The following KAZN variants were observed in gnomAD, a reference collection of about 807,000 sequenced individuals.
The protein encoded by KAZN is kazrin, periplakin interacting protein.
Under a neutral mutation model 87.4 loss-of-function variants are expected in KAZN, and 40 were observed. The observed-to-expected ratio is 0.46, with a 90% confidence interval of 0.36 to 0.60. The LOEUF (loss-of-function observed/expected upper bound fraction) is 0.60, where lower values mean the gene tolerates loss of function less well. Among genes scored for constraint, KAZN ranks in the 20% least tolerant of loss-of-function variants. KAZN has a pLI of 0.00. For missense variants in KAZN, 898 were observed against 1,073.9 expected (o/e 0.84, Z 2.29); for synonymous variants, 466 against 458.3 (o/e 1.02, Z -0.22).
At chr1:14,189,476 T>C (rs1017927324) in intron 2 of KAZN, among the ~76,000 whole-genome samples, 3 of 152,194 alleles carry the variant, frequency 2.0e-5, no homozygotes, top group Non-Finnish European at 4.4e-5. Context: ...CCTGTAAGTC[T>C]ATGGATTGCC....
intron 2 of KAZN, among the ~76,000 whole-genome samples, chr1:14,585,157 G>C (rs997416333): frequency 6.6e-6 from 1 of 152,182 alleles, no homozygotes; most frequent in Non-Finnish European, 1.5e-5. Flanking sequence ...CTTGACCTTG[G>C]ACTTCCAGCC....
chr1:14,966,733 G>A (rs1393171974), intron 2 of KAZN, among the ~76,000 whole-genome samples: 2 of 152,026 alleles, frequency 1.3e-5, no homozygotes, highest in Non-Finnish European at 1.5e-5. Flanking sequence ...GTACAGTGGC[G>A]CCATCTCAGC....
chr1:14,771,837 T>C (rs995952183), intron 1 of KAZN, among the ~76,000 whole-genome samples: 4 of 151,622 alleles, frequency 2.6e-5, no homozygotes, highest in African/African-American at 9.7e-5. Flanking sequence ...AATAAATAAA[T>C]AATAAAAATA....
At chr1:14,762,345 G>A (rs1644762543) in intron 1 of KAZN, among the ~76,000 whole-genome samples, 1 of 152,170 alleles carries the variant, frequency 6.6e-6, no homozygotes, top group South Asian at 2.1e-4. Context: ...CATGAAGGAG[G>A]AAGGTGGTAG....
At chr1:14,001,296 G>A (rs912373883) in intron 1 of KAZN, among the ~76,000 whole-genome samples, 9 of 152,216 alleles carry the variant, frequency 5.9e-5, no homozygotes, top group African/African-American at 1.9e-4. Context: ...CAGCTAACAA[G>A]GGATATGAAG....
chr1:15,073,970 C>T (rs570847235), intron 8 of KAZN, among the ~76,000 whole-genome samples: 1 of 152,174 alleles, frequency 6.6e-6, no homozygotes, highest in Non-Finnish European at 1.5e-5. Flanking sequence ...CCTGAGGAGG[C>T]CCAGTCTTCT....
chr1:14,058,205 C>G (rs1642654456), intron 1 of KAZN, among the ~76,000 whole-genome samples: 1 of 152,154 alleles, frequency 6.6e-6, no homozygotes, highest in Non-Finnish European at 1.5e-5. Flanking sequence ...GGACCAATTC[C>G]CATGGCTCTA....
intron 1 of KAZN, among the ~76,000 whole-genome samples, chr1:14,857,211 A>G (rs779002349): frequency 2.0e-5 from 3 of 152,180 alleles, no homozygotes; most frequent in Non-Finnish European, 4.4e-5. Context: ...AGGAGGCTAC[A>G]ACAAATTAGT....
chr1:14,508,429 G>C (rs185311955), intron 2 of KAZN, among the ~76,000 whole-genome samples: 1 of 152,072 alleles, frequency 6.6e-6, no homozygotes, highest in Admixed American at 6.6e-5. Context: ...CAGATTCTAC[G>C]GGTAACGTTG....
chr1:14,837,427 G>A (rs1012759833), intron 1 of KAZN, among the ~76,000 whole-genome samples: 4 of 152,208 alleles, frequency 2.6e-5, no homozygotes, highest in South Asian at 2.1e-4. Flanking sequence ...TCGAACTCCC[G>A]ACCTCAGGTG....
intron 2 of KAZN, among the ~76,000 whole-genome samples, chr1:14,279,169 C>T (rs1464558631): frequency 6.6e-6 from 1 of 152,012 alleles, no homozygotes; most frequent in East Asian, 1.9e-4. Context: ...ATACTAAAGA[C>T]TTTTTATTGC....
intron 1 of KAZN, among the ~76,000 whole-genome samples, chr1:14,005,169 T>C (rs1162999209): frequency 6.6e-6 from 1 of 151,988 alleles, no homozygotes; most frequent in African/African-American, 2.4e-5. Context: ...AAAAGGAAAA[T>C]AAAAATAATT....
chr1:15,015,994 C>G (rs1198583305), intron 2 of KAZN, among the ~76,000 whole-genome samples: 1 of 152,184 alleles, frequency 6.6e-6, no homozygotes. Flanking sequence ...ATACCTCCAC[C>G]CGGAACCTGT....
chr1:14,163,889 G>A (rs1645764582), intron 1 of KAZN, among the ~76,000 whole-genome samples: 1 of 152,164 alleles, frequency 6.6e-6, no homozygotes, highest in Non-Finnish European at 1.5e-5. Context: ...CTACTTTACA[G>A]TCACATTTTC....
chr1:14,745,929 G>A (rs953544056), intron 1 of KAZN, among the ~76,000 whole-genome samples: 29 of 152,112 alleles, frequency 1.9e-4, no homozygotes, highest in Non-Finnish European at 2.6e-4. Context: ...GTTCTGCTGG[G>A]CACTTGGCAT....
intron 1 of KAZN, among the ~76,000 whole-genome samples, chr1:14,857,499 CT>C: frequency 6.6e-6 from 1 of 151,778 alleles, no homozygotes; most frequent in East Asian, 1.9e-4. Flanking sequence ...CGCCACTCTA[CT>C]CCAGCCTAGG....
At chr1:14,189,939 C>G (rs1195206623) in intron 2 of KAZN, among the ~76,000 whole-genome samples, 1 of 152,152 alleles carries the variant, frequency 6.6e-6, no homozygotes, top group African/African-American at 2.4e-5. Context: ...GGAAAGACTG[C>G]TCTAGTTGGT....
At chr1:14,801,292 G>A (rs1426181518) in intron 1 of KAZN, among the ~76,000 whole-genome samples, 3 of 152,124 alleles carry the variant, frequency 2.0e-5, no homozygotes, top group Non-Finnish European at 4.4e-5. Flanking sequence ...TGAGTCCAGG[G>A]AGTCAAAACC....
chr1:13,953,196 G>A (rs1439792859), intron 1 of KAZN, among the ~76,000 whole-genome samples: 2 of 151,998 alleles, frequency 1.3e-5, no homozygotes, highest in East Asian at 1.9e-4. Context: ...CCCCTTACAT[G>A]TTGGAGGTGA....
Sources: allele counts gnomAD v4.1 joint callset (sites outside exome capture counted in the v4.1 genomes callset), GRCh38; gene constraint gnomAD v4.1.1; transcripts MANE v1.5; gene names NCBI Gene and HGNC (gene_info 2026-07-23, HGNC 2026-07-21).